ATXN7L1: variants seen among roughly 807,000 people sequenced by gnomAD.
ATXN7L1 encodes the protein ataxin-7-like protein 1.
A neutral mutation model predicts 70.8 loss-of-function variants in ATXN7L1; 15 were observed. That is an observed-to-expected ratio of 0.21 (90% confidence interval 0.14 to 0.33). The LOEUF (loss-of-function observed/expected upper bound fraction) is 0.33. Among genes scored for constraint, ATXN7L1 ranks in the 10% least tolerant of loss-of-function variants. The pLI is 1.00. For missense variants in ATXN7L1, 975 were observed against 1,097.1 expected, an observed-to-expected ratio of 0.89 and a Z score of 1.57; for synonymous variants, 440 against 445.1, an observed-to-expected ratio of 0.99 and a Z score of 0.14.
intron 3 of ATXN7L1, among the ~76,000 whole-genome samples, chr7:105,714,982 A>G (rs1411806248): frequency 6.6e-6 from 1 of 152,164 alleles, no homozygotes; most frequent in Non-Finnish European, 1.5e-5. Flanking sequence ...GGGTTACCCT[A>G]GAAGCCCTCT....
chr7:105,796,112 C>A (rs746623121), intron 2 of ATXN7L1, among the ~76,000 whole-genome samples: 1 of 152,174 alleles, frequency 6.6e-6, no homozygotes, highest in Admixed American at 6.5e-5. Flanking sequence ...CGCCTGTAAT[C>A]CCAGCACTTT....
In ATXN7L1 at chr7:105,797,965, G is replaced by T. The variant is rs1209727298; in HGVS notation, c.251-9257C>A. Among the ~76,000 whole-genome samples, 3 of 152,184 alleles carry T rather than the reference G, an allele frequency of 2.0e-5. No individual in the cohort carries two copies. In the East Asian group the frequency reaches 5.8e-4, roughly 29 times the overall value. ...ATGGTAATATGTTAACTAGGCTGAG[G>T]TTCCCAAGAAGTTGATTTATTTTCC... is the stretch of plus-strand genomic sequence containing the variant. On this transcript the variant is annotated intron_variant, in intron 2 of 11. Coordinates refer to ENST00000419735, the MANE Select transcript of ATXN7L1 (RefSeq NM_020725.2).
intron 2 of ATXN7L1, 109 bp from the exon 3 acceptor site, chr7:105,788,817 C>A: frequency 1.2e-6 from 1 of 853,566 alleles, no homozygotes. Flanking sequence ...ACACAACACG[C>A]AGAAAGGCAA....
In ATXN7L1 at chr7:105,660,882, G is replaced by T. The variant is rs1258057117; in HGVS notation, c.578+4184C>A. On this transcript the variant is annotated intron_variant, in intron 4 of 11. Transcript: ENST00000419735. ...AGGTGTGAGCCACCATGCCTGGCCAGAAGTGACCTCTTTTGAAAAACCCTT... is the reference window on the plus strand; with the variant it reads ...AGGTGTGAGCCACCATGCCTGGCCATAAGTGACCTCTTTTGAAAAACCCTT... 2.6e-5 allele frequency among the ~76,000 whole-genome samples: 4 copies of T among 152,230 alleles called. No individual in the cohort carries two copies. The East Asian group carries it at 5.8e-4, about 22-fold the overall frequency.
chr7:105,619,140 G>GTTTTTTTTATTTTTTT (rs1794388200), intron 9 of ATXN7L1, among the ~76,000 whole-genome samples: 1 of 49,842 alleles, frequency 2.0e-5, no homozygotes, highest in Non-Finnish European at 3.3e-5. Flanking sequence ...GAAATCTTTA[G>GTTTTTTTTATTTTTTT]TTTTTTTTTT....
intron 2 of ATXN7L1, among the ~76,000 whole-genome samples, chr7:105,873,868 C>A (rs1818631272): frequency 6.6e-6 from 1 of 152,124 alleles, no homozygotes; most frequent in Non-Finnish European, 1.5e-5. Context: ...TGGCTCATGC[C>A]TGTAATTCCA....
chr7:105,638,244 G>T, intron 7 of ATXN7L1, 109 bp downstream of exon 7: 1 of 1,360,964 alleles, frequency 7.3e-7, no homozygotes. Context: ...TTAGGAAGTA[G>T]TACTATTATG....
intron 4 of ATXN7L1, among the ~76,000 whole-genome samples, chr7:105,664,748 G>A (rs1802352329): frequency 6.6e-6 from 1 of 151,478 alleles, no homozygotes; most frequent in South Asian, 2.1e-4. Context: ...TGTATTTTTA[G>A]TAGAGACAGG....
Position 105,824,002 on chromosome 7 carries a change from T to A in ATXN7L1, c.251-35294A>T, listed in dbSNP as rs138327795. ...GATCCAGACCAGGGGACAGGAGGCATGGTGAAGGGATGGGGTGATGGGCAG... is the reference window on the plus strand; with the variant it reads ...GATCCAGACCAGGGGACAGGAGGCAAGGTGAAGGGATGGGGTGATGGGCAG... On this transcript the variant is annotated intron_variant, in intron 2 of 11. Transcript: ENST00000419735. Among the ~76,000 whole-genome samples the A allele has an allele frequency of 1.2e-4, 19 of 152,052 alleles. No homozygotes were observed. The East Asian group carries it at 3.7e-3, about 29-fold the overall frequency.
chr7:105,691,673 GAAAA>G (rs1209976116), intron 3 of ATXN7L1: 12 of 98,468 alleles, frequency 1.2e-4, no homozygotes, highest in Admixed American at 1.1e-3. Context: ...AAAAAAAAAA[GAAAA>G]AAAAAAAGAG....
intron 2 of ATXN7L1, among the ~76,000 whole-genome samples, chr7:105,864,426 C>T (rs147506659): frequency 7.4e-6 from 1 of 134,700 alleles, no homozygotes; most frequent in African/African-American, 2.9e-5. Context: ...CACTGCACTC[C>T]AGCCTGGGTG....
At chr7:105,742,972 T>C (rs1200986067) in intron 3 of ATXN7L1, among the ~76,000 whole-genome samples, 3 of 151,976 alleles carry the variant, frequency 2.0e-5, no homozygotes, top group African/African-American at 7.3e-5. Flanking sequence ...CCAGTCCTTA[T>C]CTCCCCAGCC....
chr7:105,869,968 T>TTATTGA, intron 2 of ATXN7L1, among the ~76,000 whole-genome samples: 1 of 152,312 alleles, frequency 6.6e-6, no homozygotes, highest in Non-Finnish European at 1.5e-5. Context: ...CAATGATCAC[T>TTATTGA]TAACTGCACT....
At chr7:105,709,930 T>C (rs1282139500) in intron 3 of ATXN7L1, among the ~76,000 whole-genome samples, 12 of 151,792 alleles carry the variant, frequency 7.9e-5, no homozygotes, top group Non-Finnish European at 1.5e-4. Context: ...TGGAGTGCAG[T>C]GGTGCAATTA....
chr7:105,772,829 TG>T (rs1278212306), intron 3 of ATXN7L1, among the ~76,000 whole-genome samples: 1 of 152,204 alleles, frequency 6.6e-6, no homozygotes, highest in Non-Finnish European at 1.5e-5. Flanking sequence ...TAATAATACA[TG>T]ATCTAAATTA....
intron 8 of ATXN7L1, among the ~76,000 whole-genome samples, chr7:105,620,886 C>G (rs1794825099): frequency 6.8e-6 from 1 of 146,876 alleles, no homozygotes. Flanking sequence ...CAGGCTGAGA[C>G]TGTCTCAGAG....
chr7:105,681,955 T>G (rs528065913), intron 3 of ATXN7L1, among the ~76,000 whole-genome samples: 3 of 152,134 alleles, frequency 2.0e-5, no homozygotes, highest in African/African-American at 7.2e-5. Flanking sequence ...CTGGGCACAG[T>G]GGCTCACACC....
At chr7:105,738,303 A>G (rs1173440773) in intron 3 of ATXN7L1, among the ~76,000 whole-genome samples, 2 of 152,118 alleles carry the variant, frequency 1.3e-5, no homozygotes, top group East Asian at 1.9e-4. Context: ...TCCCAGCTCT[A>G]TATGTCATTG....
chr7:105,729,301 G>GAATAAATAAATA (rs56308500), intron 3 of ATXN7L1, among the ~76,000 whole-genome samples: 48 of 147,766 alleles, frequency 3.2e-4, no homozygotes, highest in Middle Eastern at 6.9e-3. Context: ...ATGAATGAAT[G>GAATAAATAAATA]AATAAATAAA....
Sources: allele counts gnomAD v4.1 joint callset (sites outside exome capture counted in the v4.1 genomes callset), GRCh38; gene constraint gnomAD v4.1.1; transcripts MANE v1.5; gene names NCBI Gene and HGNC (gene_info 2026-07-23, HGNC 2026-07-21).